Variants in COG5 observed in about 807,000 individuals in gnomAD.
COG5 encodes the protein component of oligomeric golgi complex 5.
Under a neutral mutation model 110.4 loss-of-function variants are expected in COG5, and 86 were observed. The observed-to-expected ratio is 0.78, with a 90% confidence interval of 0.65 to 0.93. The LOEUF (loss-of-function observed/expected upper bound fraction) is 0.93, where lower values mean the gene tolerates loss of function less well. Ranked by LOEUF, COG5 falls within the 40% of genes least tolerant of loss-of-function variation. The probability of loss-of-function intolerance (pLI) is 0.00; values close to 1 mark genes in which losing one functional copy is unlikely to be tolerated. For synonymous variants in COG5, 360 were observed against 334.6 expected (o/e 1.08, Z -0.83); for missense variants, 1,077 against 987.0 (o/e 1.09, Z -1.22).
chr7:107,229,865 T>G (rs1800648662), intron 19 of COG5, among the ~76,000 whole-genome samples: 1 of 150,048 alleles, frequency 6.7e-6, no homozygotes, highest in Admixed American at 6.6e-5. Context: ...TTTGTTTTTT[T>G]TTTTGAGACA....
intron 5 of COG5, among the ~76,000 whole-genome samples, chr7:107,528,592 G>C (rs1014311442): frequency 6.6e-6 from 1 of 152,136 alleles, no homozygotes; most frequent in African/African-American, 2.4e-5. Context: ...GTGTGGTAGA[G>C]GGTGACATAC....
chr7:107,367,926 C>T (rs1054474852), intron 8 of COG5, among the ~76,000 whole-genome samples: 2 of 151,074 alleles, frequency 1.3e-5, no homozygotes, highest in Admixed American at 1.3e-4. Flanking sequence ...CCTAAAGCTA[C>T]TGAAAAAAAG....
chr7:107,203,992 C>T (rs567077223), intron 21 of COG5, among the ~76,000 whole-genome samples: 4 of 152,264 alleles, frequency 2.6e-5, no homozygotes, highest in Admixed American at 6.5e-5. Flanking sequence ...CCAGAGCTCA[C>T]GAGGGGCATC....
At chr7:107,336,070 A>G (rs1451069128) in intron 10 of COG5, among the ~76,000 whole-genome samples, 1 of 152,216 alleles carries the variant, frequency 6.6e-6, no homozygotes, top group African/African-American at 2.4e-5. Context: ...CATCCAAAAG[A>G]AAGAAATAAA....
At chr7:107,556,220 T>C (rs915432574) in intron 2 of COG5, among the ~76,000 whole-genome samples, 1 of 152,156 alleles carries the variant, frequency 6.6e-6, no homozygotes, top group African/African-American at 2.4e-5. Context: ...CTGTGGTAGT[T>C]CCTTCAACTC....
At position 107,391,517 on chromosome 7, in the gene COG5, T is replaced by C. The variant is rs188494037; in HGVS notation, c.670-18757A>G. Among the ~76,000 whole-genome samples, 667 of 152,332 alleles carry C rather than the reference T, an allele frequency of 4.4e-3. 3 individuals are homozygous for C. Among genetic ancestry groups the C allele is most frequent in the African/African-American group, 0.015 (638 of 41,570 alleles). On this transcript the variant is annotated intron_variant, in intron 7 of 21. Transcript: ENST00000297135. The stretch of plus-strand genomic sequence containing the variant: ...TCCCATTTGTCTATTTTTGCTTTTG[T>C]TACCTGTGCTTTTGGTGTCATATCT...
In COG5 at chr7:107,203,225, AG is replaced by A. The variant is rs1334619197; in HGVS notation, c.*290del. 2 of 428,456 alleles carry A rather than the reference AG, an allele frequency of 4.7e-6. No homozygotes were observed. The highest frequency in any genetic ancestry group is 8.7e-6 in the Non-Finnish European group (2 of 230,964). The allele number at this position is 428,456 out of a possible 1,614,324, so 26.5% of individuals were successfully genotyped here. On this transcript the variant is annotated 3_prime_UTR_variant, in exon 22 of 22. Coordinates refer to ENST00000297135, the MANE Select transcript of COG5 (RefSeq NM_006348.5). ...GGGGACTTTGGGTTTATGTACCCAT[AG>A]GAGGACTTGGTTATGGATGGGAAAG...
chr7:107,556,979 C>T (rs1250659300), intron 2 of COG5, among the ~76,000 whole-genome samples: 1 of 152,128 alleles, frequency 6.6e-6, no homozygotes, highest in Non-Finnish European at 1.5e-5. Context: ...CCATGTTGGC[C>T]AGGCTGGTCT....
At chr7:107,391,585 T>C (rs965309344) in intron 7 of COG5, among the ~76,000 whole-genome samples, 3 of 152,168 alleles carry the variant, frequency 2.0e-5, no homozygotes, top group Admixed American at 1.3e-4. Flanking sequence ...CTTCCCCCTA[T>C]GTTTTCTTCT....
At chr7:107,363,877 C>T (rs1438176263) in intron 8 of COG5, among the ~76,000 whole-genome samples, 1 of 151,770 alleles carries the variant, frequency 6.6e-6, no homozygotes, top group Admixed American at 6.6e-5. Flanking sequence ...ATTGCTTGAA[C>T]CCAGGAGGCG....
At chr7:107,401,558 T>C (rs1282881053) in intron 7 of COG5, among the ~76,000 whole-genome samples, 6 of 152,102 alleles carry the variant, frequency 3.9e-5, no homozygotes, top group Non-Finnish European at 7.4e-5. Flanking sequence ...CATTTGAAGG[T>C]CATAAAGGAA....
intron 6 of COG5, among the ~76,000 whole-genome samples, chr7:107,441,968 C>A (rs1047823807): frequency 6.6e-6 from 1 of 152,200 alleles, no homozygotes; most frequent in Non-Finnish European, 1.5e-5. Context: ...GATCCATGAA[C>A]TGAGCAAATA....
chr7:107,527,526 A>C (rs1020205559), intron 5 of COG5, among the ~76,000 whole-genome samples, 169 bp from the exon 6 acceptor site: 1 of 152,202 alleles, frequency 6.6e-6, no homozygotes, highest in Non-Finnish European at 1.5e-5. Context: ...TACAAAAAAA[A>C]CACAGTGGCT....
At chr7:107,462,277 A>G (rs1796039014) in intron 6 of COG5, among the ~76,000 whole-genome samples, 1 of 152,216 alleles carries the variant, frequency 6.6e-6, no homozygotes, top group South Asian at 2.1e-4. Context: ...TGTGTTCACA[A>G]GAAAATATAG....
chr7:107,385,954 T>C (rs1790158724), intron 7 of COG5, among the ~76,000 whole-genome samples: 1 of 151,622 alleles, frequency 6.6e-6, no homozygotes, highest in Non-Finnish European at 1.5e-5. Context: ...GAGAAATATC[T>C]ATTTAAGTCT....
chr7:107,365,596 CAAAAAAAAAAAAAAAAAA>C (rs71134263), intron 8 of COG5, among the ~76,000 whole-genome samples: 1 of 36,690 alleles, frequency 2.7e-5, no homozygotes, highest in Non-Finnish European at 5.0e-5. Flanking sequence ...TGCAAAATGA[CAAAAAAAAAAAAAAAAAA>C]AAAAAAAAGA....
chr7:107,207,969 C>T (rs1798896850), intron 21 of COG5: 1 of 985,216 alleles, frequency 1.0e-6, no homozygotes, highest in Non-Finnish European at 1.2e-6. Flanking sequence ...AAGGTTTGCC[C>T]CAGAAGCTAA....
chr7:107,300,117 G>A (rs1357906799), intron 11 of COG5, among the ~76,000 whole-genome samples: 2 of 151,686 alleles, frequency 1.3e-5, no homozygotes, highest in African/African-American at 4.8e-5. Flanking sequence ...AAAAGCATTT[G>A]AAAAAAATCT....
intron 11 of COG5, among the ~76,000 whole-genome samples, chr7:107,308,696 C>T (rs1454405490): frequency 2.0e-5 from 3 of 152,016 alleles, no homozygotes; most frequent in Non-Finnish European, 4.4e-5. Flanking sequence ...CTTTTATTTA[C>T]CAGTTTTCAA....
Sources: allele counts gnomAD v4.1 joint callset (sites outside exome capture counted in the v4.1 genomes callset), GRCh38; gene constraint gnomAD v4.1.1; transcripts MANE v1.5; gene names NCBI Gene and HGNC (gene_info 2026-07-23, HGNC 2026-07-21).